MXRA7: variants seen among roughly 807,000 people sequenced by gnomAD.
MXRA7 encodes matrix-remodeling-associated protein 7.
A neutral mutation model predicts 17.4 loss-of-function variants in MXRA7; 18 were observed. That is an observed-to-expected ratio of 1.03 (90% CI 0.71 to 1.53). The LOEUF (loss-of-function observed/expected upper bound fraction) is 1.53, where lower values mean the gene tolerates loss of function less well. Ranked by LOEUF, MXRA7 falls within the 40% of genes most tolerant of loss-of-function variation. The pLI, the probability that MXRA7 is intolerant of heterozygous loss-of-function variation, is 0.00. For missense variants in MXRA7, 141 were observed against 209.3 expected, an observed-to-expected ratio of 0.67 and a Z score of 2.01; for synonymous variants, 70 against 101.7, an observed-to-expected ratio of 0.69 and a Z score of 1.87.
At chr17:76,705,228 G>C (rs775386429) in intron 1 of MXRA7, among the ~76,000 whole-genome samples, 12 of 152,054 alleles carry the variant, frequency 7.9e-5, no homozygotes, top group Non-Finnish European at 1.5e-4. Context: ...TTATCTATTA[G>C]GAAAGCCCCT....
chr17:76,697,295 G>C (rs1425593155), intron 1 of MXRA7, among the ~76,000 whole-genome samples: 1 of 152,196 alleles, frequency 6.6e-6, no homozygotes, highest in Non-Finnish European at 1.5e-5. Flanking sequence ...CTGCAAGCCA[G>C]CGAGACAGGG....
chr17:76,684,611 C>A, intron 3 of MXRA7: 1 of 389,428 alleles, frequency 2.6e-6, no homozygotes, highest in Non-Finnish European at 5.0e-6. Flanking sequence ...AGCTACAAGG[C>A]GCTGCTGCAG....
intron 1 of MXRA7, among the ~76,000 whole-genome samples, chr17:76,708,088 G>C (rs1338764397): frequency 6.6e-6 from 1 of 152,214 alleles, no homozygotes; most frequent in Non-Finnish European, 1.5e-5. Flanking sequence ...GCCTATAGTA[G>C]CCCCTCCCCA....
At chr17:76,700,836 G>A (rs892962570) in intron 1 of MXRA7, among the ~76,000 whole-genome samples, 1 of 152,166 alleles carries the variant, frequency 6.6e-6, no homozygotes, top group Non-Finnish European at 1.5e-5. Flanking sequence ...GGCGGCAGGC[G>A]GGGGACTTTA....
chr17:76,685,723 G>A (rs1039883876), intron 2 of MXRA7, among the ~76,000 whole-genome samples: 1 of 152,250 alleles, frequency 6.6e-6, no homozygotes, highest in Non-Finnish European at 1.5e-5. Context: ...ACCCCCCATT[G>A]CTGCCTGCAA....
chr17:76,691,207 A>G (rs1416943701), intron 1 of MXRA7, among the ~76,000 whole-genome samples: 1 of 152,140 alleles, frequency 6.6e-6, no homozygotes, highest in Non-Finnish European at 1.5e-5. Flanking sequence ...GGGTTTGGAG[A>G]GCTTCCAGGC....
chr17:76,679,532 G>GT (rs2076271164), downstream of MXRA7: 2 of 921,398 alleles, frequency 2.2e-6, no homozygotes, highest in East Asian at 1.2e-4. Context: ...AAGGGATTTT[G>GT]TTTTAAAACA....
chr17:76,677,958 G>A (rs2076254848), downstream of MXRA7, among the ~76,000 whole-genome samples: 1 of 152,170 alleles, frequency 6.6e-6, no homozygotes, highest in South Asian at 2.1e-4. Flanking sequence ...GGGGACCCCA[G>A]GTATCACTTA....
chr17:76,677,455 AC>A, downstream of MXRA7: 1 of 629,506 alleles, frequency 1.6e-6, no homozygotes, highest in Non-Finnish European at 2.8e-6. Flanking sequence ...CTCGGCAAGT[AC>A]CTATAGAATG....
At chr17:76,696,974 G>C (rs2076538632) in intron 1 of MXRA7, among the ~76,000 whole-genome samples, 1 of 152,158 alleles carries the variant, frequency 6.6e-6, no homozygotes. Flanking sequence ...CCTCACCCAA[G>C]GCCATCATCA....
intron 1 of MXRA7, 127 bp from the exon 2 acceptor site, chr17:76,688,303 G>T: frequency 6.7e-7 from 1 of 1,496,834 alleles, no homozygotes; most frequent in Non-Finnish European, 8.9e-7. Context: ...CTGTGGCAGC[G>T]CCTGCCCTGT....
intron 3 of MXRA7, 74 bp from the exon 4 acceptor site, chr17:76,680,953 G>A (rs2076294901): frequency 8.2e-7 from 1 of 1,214,286 alleles, no homozygotes; most frequent in South Asian, 1.3e-5. Context: ...AAGGAAAGGG[G>A]GAAATGGGGA....
chr17:76,698,542 G>A (rs768561943), intron 1 of MXRA7, among the ~76,000 whole-genome samples: 1 of 151,952 alleles, frequency 6.6e-6, no homozygotes, highest in Non-Finnish European at 1.5e-5. Flanking sequence ...CTCTAAATCC[G>A]TATTTGCAAC....
downstream of MXRA7, chr17:76,674,696 G>C (rs2076226253): frequency 6.6e-6 from 1 of 152,272 alleles, no homozygotes; most frequent in Admixed American, 6.5e-5. Context: ...TGTATTCAGG[G>C]GATGCTGGGC....
At chr17:76,698,363 CG>C (rs565604218) in intron 1 of MXRA7, among the ~76,000 whole-genome samples, 6 of 122,768 alleles carry the variant, frequency 4.9e-5, no homozygotes, top group South Asian at 2.8e-4. Context: ...TTGCAATGGG[CG>C]GGGGGGGAGC....
chr17:76,687,115 G>A (rs1214245786), intron 2 of MXRA7, among the ~76,000 whole-genome samples: 2 of 152,226 alleles, frequency 1.3e-5, no homozygotes, highest in Admixed American at 6.5e-5. Context: ...ACAGATGCCA[G>A]GGCCATGGCT....
chr17:76,705,154 A>C (rs1252551222), intron 1 of MXRA7, among the ~76,000 whole-genome samples: 1 of 152,214 alleles, frequency 6.6e-6, no homozygotes, highest in African/African-American at 2.4e-5. Context: ...CCTTCTTGCT[A>C]AGCAGAAAAT....
intron 3 of MXRA7, 92 bp downstream of exon 3, chr17:76,684,980 C>A: frequency 9.4e-7 from 1 of 1,060,236 alleles, no homozygotes; most frequent in South Asian, 1.3e-5. Context: ...TTTCTGGGCC[C>A]TTCTGCCAAG....
chr17:76,680,855 A>G lies in MXRA7; in HGVS notation c.*12T>C, dbSNP rs774061429. ...AGGAAAAGCCTTTAGGAGGACGCTAAGGATAACTTCGTTATTCTTCAGTTC... is the reference window on the plus strand; with the variant it reads ...AGGAAAAGCCTTTAGGAGGACGCTAGGGATAACTTCGTTATTCTTCAGTTC... On this transcript the variant is annotated 3_prime_UTR_variant, in exon 4 of 4. Coordinates refer to ENST00000449428, the MANE Select transcript of MXRA7 (RefSeq NM_198530.4). The G allele has an allele frequency of 1.9e-6, 3 of 1,610,586 alleles. No individual in the cohort carries two copies. Among genetic ancestry groups the G allele is most frequent in the South Asian group, 1.1e-5 (1 of 90,326 alleles).
Sources: gnomAD v4.1 joint callset for allele counts (sites outside exome capture counted in the v4.1 genomes callset) on GRCh38, gnomAD v4.1.1 for gene constraint, MANE v1.5 for transcripts, NCBI Gene and HGNC (gene_info 2026-07-23, HGNC 2026-07-21) for gene names.